Variants in SGCZ observed in about 807,000 individuals in gnomAD.
SGCZ encodes the protein sarcoglycan zeta, also known as zeta-sarcoglycan.
A neutral mutation model predicts 41.3 loss-of-function variants in SGCZ; 40 were observed. That is an observed-to-expected ratio of 0.97 (90% CI 0.75 to 1.26). The LOEUF (loss-of-function observed/expected upper bound fraction) is 1.26. Ranked by LOEUF, SGCZ falls within the 50% of genes most tolerant of loss-of-function variation. The pLI, the probability that SGCZ is intolerant of heterozygous loss-of-function variation, is 0.00. For missense variants in SGCZ, 552 were observed against 369.8 expected (o/e 1.49, Z -4.04); for synonymous variants, 206 against 137.5 (o/e 1.50, Z -3.49).
At chr8:14,551,598 T>C (rs71514476) in intron 2 of SGCZ, among the ~76,000 whole-genome samples, 1 of 26,628 alleles carries the variant, frequency 3.8e-5, no homozygotes, top group African/African-American at 1.8e-4. Flanking sequence ...TAATATATAT[T>C]ATATATATTA....
intron 1 of SGCZ, among the ~76,000 whole-genome samples, chr8:14,855,332 G>A (rs1301305147): frequency 2.0e-5 from 3 of 152,252 alleles, no homozygotes; most frequent in African/African-American, 7.2e-5. Context: ...TTTCAGGCGT[G>A]AGCCACTGTC....
chr8:15,009,826 T>A (rs1246644087), intron 1 of SGCZ, among the ~76,000 whole-genome samples: 1 of 152,198 alleles, frequency 6.6e-6, no homozygotes, highest in African/African-American at 2.4e-5. Context: ...TCCATTTTTT[T>A]AAATTCTTAA....
At chr8:14,973,151 C>T (rs921115556) in intron 1 of SGCZ, among the ~76,000 whole-genome samples, 1 of 152,064 alleles carries the variant, frequency 6.6e-6, no homozygotes, top group Admixed American at 6.6e-5. Context: ...ATTCTCTGAC[C>T]CTTCAGGGTG....
chr8:14,553,675 T>A (rs2117188332), intron 2 of SGCZ, among the ~76,000 whole-genome samples: 1 of 152,048 alleles, frequency 6.6e-6, no homozygotes, highest in African/African-American at 2.4e-5. Context: ...GCAGCTAGGG[T>A]CATTTTCCCT....
rs567548443 is a variant in SGCZ at position 14,825,407 on chromosome 8, CA to C, written c.40-270482del. Among the ~76,000 whole-genome samples, 42 of 152,100 alleles carry C rather than the reference CA, an allele frequency of 2.8e-4. No homozygotes were observed. The East Asian group carries it at 7.5e-3, about 27-fold the overall frequency. On this transcript the variant is annotated intron_variant, in intron 1 of 7. Transcript: ENST00000382080. ...GTAATACGGAACTTACTGAAGAACT[CA>C]AAAAATATAAAAATCGTTTCATCAT...
At chr8:14,679,219 T>A (rs960603218) in intron 1 of SGCZ, among the ~76,000 whole-genome samples, 1 of 152,162 alleles carries the variant, frequency 6.6e-6, no homozygotes, top group East Asian at 1.9e-4. Context: ...CTGGTTCATA[T>A]ATTTACTATA....
At chr8:14,670,413 C>G (rs1242695898) in intron 1 of SGCZ, among the ~76,000 whole-genome samples, 1 of 152,110 alleles carries the variant, frequency 6.6e-6, no homozygotes, top group Non-Finnish European at 1.5e-5. Context: ...TATCATTAGT[C>G]TCCCAAATTG....
At chr8:14,896,938 G>T (rs1563346889) in intron 1 of SGCZ, among the ~76,000 whole-genome samples, 1 of 151,632 alleles carries the variant, frequency 6.6e-6, no homozygotes, top group East Asian at 1.9e-4. Context: ...AGCGCCACCA[G>T]GCCCAACTAA....
At position 14,506,207 on chromosome 8, in the gene SGCZ, A is replaced by T. The variant is rs535597520; in HGVS notation, c.234+48525T>A. 3.3e-5 allele frequency among the ~76,000 whole-genome samples: 5 copies of T among 151,952 alleles called. 1 individual carries two copies. In the South Asian group the frequency reaches 1.0e-3, roughly 32 times the overall value. ...AACAAACAAACAAACAAACAGAAAC[A>T]AAAAAACGATTTTCTAACAACAAAC... On this transcript the variant is annotated intron_variant, in intron 2 of 7. Transcript: ENST00000382080.
chr8:15,024,725 A>T (rs1317870391), intron 1 of SGCZ, among the ~76,000 whole-genome samples: 1 of 152,204 alleles, frequency 6.6e-6, no homozygotes, highest in South Asian at 2.1e-4. Flanking sequence ...TCATGAGGTC[A>T]GGAGATCGAG....
rs189850174 is a variant in SGCZ at position 14,865,473 on chromosome 8, T to C, written c.40-310547A>G. Among the ~76,000 whole-genome samples, 611 of 152,142 alleles carry C rather than the reference T, an allele frequency of 4.0e-3. 4 individuals are homozygous for C. The highest frequency in any genetic ancestry group is 0.018 in the South Asian group (86 of 4,824). On this transcript the variant is annotated intron_variant, in intron 1 of 7. Transcript: ENST00000382080. ...CAATCAACCCCTGTGAATGAATCAA[T>C]CTCTGTATTATTCTGGTGAAAAAGA...
At position 14,604,712 on chromosome 8, in the gene SGCZ, A is replaced by T. The variant is rs148814831; in HGVS notation, c.40-49786T>A. 9.2e-5 allele frequency among the ~76,000 whole-genome samples: 14 copies of T among 152,266 alleles called. No individual in the cohort carries two copies. In the East Asian group the frequency reaches 2.5e-3, roughly 27 times the overall value. On this transcript the variant is annotated intron_variant, in intron 1 of 7. Transcript: ENST00000382080. The stretch of plus-strand genomic sequence containing the variant: ...GCAGACTGCTCTAAGTCTTTCAGAA[A>T]ATTTTAAAAAATAGCCAGAGAGAAT...
intron 1 of SGCZ, among the ~76,000 whole-genome samples, chr8:14,867,248 C>G (rs890135278): frequency 6.6e-6 from 1 of 152,060 alleles, no homozygotes; most frequent in African/African-American, 2.4e-5. Flanking sequence ...ATAATGGTCT[C>G]GATCTCCATC....
intron 2 of SGCZ, among the ~76,000 whole-genome samples, chr8:14,516,230 T>A (rs1327920728): frequency 6.6e-6 from 1 of 152,018 alleles, no homozygotes; most frequent in Admixed American, 6.6e-5. Flanking sequence ...GCTGTACAGA[T>A]TATTTCAACA....
At chr8:15,023,484 T>C (rs1421288085) in intron 1 of SGCZ, among the ~76,000 whole-genome samples, 1 of 152,188 alleles carries the variant, frequency 6.6e-6, no homozygotes, top group Non-Finnish European at 1.5e-5. Flanking sequence ...GACACATTAA[T>C]TCCTTCTATG....
Position 14,185,291 on chromosome 8 carries a change from C to A in SGCZ, c.425-20589G>T, listed in dbSNP as rs559062173. Among the ~76,000 whole-genome samples, 21 of 152,128 alleles carry A rather than the reference C, an allele frequency of 1.4e-4. No individual in the cohort carries two copies. The South Asian group carries it at 3.3e-3, about 24-fold the overall frequency. ...TGGTGGCACATGCCTGTAGTCCTAG[C>A]TACTCGCAGGCTGAGGGAGAAGAAT... On this transcript the variant is annotated intron_variant, in intron 4 of 7. Coordinates refer to ENST00000382080, the MANE Select transcript of SGCZ (RefSeq NM_139167.4).
intron 2 of SGCZ, among the ~76,000 whole-genome samples, chr8:14,412,899 T>C (rs760977632): frequency 8.6e-5 from 13 of 151,994 alleles, no homozygotes; most frequent in Non-Finnish European, 1.5e-4. Flanking sequence ...TGGTATGAAT[T>C]ATTATCTATT....
chr8:14,525,000 T>C (rs1309863898), intron 2 of SGCZ, among the ~76,000 whole-genome samples: 1 of 152,096 alleles, frequency 6.6e-6, no homozygotes, highest in East Asian at 1.9e-4. Flanking sequence ...ACCACTATTC[T>C]GACTAGAGGT....
intron 2 of SGCZ, among the ~76,000 whole-genome samples, chr8:14,407,059 GTTTTCCT>G (rs1799230497): frequency 7.5e-6 from 1 of 132,702 alleles, no homozygotes; most frequent in African/African-American, 2.9e-5. Flanking sequence ...TAAGTTATGA[GTTTTCCT>G]TTTTTTTTTT....
Sources: allele counts gnomAD v4.1 joint callset (sites outside exome capture counted in the v4.1 genomes callset), GRCh38; gene constraint gnomAD v4.1.1; transcripts MANE v1.5; gene names NCBI Gene and HGNC (gene_info 2026-07-23, HGNC 2026-07-21).